SLC17A1: variants seen among roughly 807,000 people sequenced by gnomAD.
SLC17A1 encodes solute carrier family 17 member 1.
A neutral mutation model predicts 53.5 loss-of-function variants in SLC17A1; 51 were observed. The ratio of observed to expected loss-of-function variants is 0.95; its 90% CI spans 0.76 to 1.20. SLC17A1 has a LOEUF of 1.20. Among genes scored for constraint, SLC17A1 ranks in the 50% most tolerant of loss-of-function variants. The probability of loss-of-function intolerance (pLI) is 0.00; values close to 1 mark genes in which losing one functional copy is unlikely to be tolerated. For synonymous variants in SLC17A1, 179 were observed against 198.8 expected (o/e 0.90, Z 0.84); for missense variants, 538 against 568.2 (o/e 0.95, Z 0.54).
chr6:25,800,652 T>G (rs141210073), intron 11 of SLC17A1, among the ~76,000 whole-genome samples: 2 of 152,326 alleles, frequency 1.3e-5, no homozygotes, highest in East Asian at 3.9e-4. Flanking sequence ...AGTCCACTTC[T>G]GTACCAATGG....
At chr6:25,729,091 C>A in the SLC17A1 span, among the ~76,000 whole-genome samples, 1 of 152,292 alleles carries the variant, frequency 6.6e-6, no homozygotes, top group Admixed American at 6.5e-5. Context: ...GACTTTGTGA[C>A]CACTGTCAGA....
rs1421861579 is a variant in SLC17A1, at chr6:25,814,981, T to C, written c.617-1768A>G. On this transcript the variant is annotated intron_variant, in intron 6 of 12. Coordinates refer to ENST00000244527, the MANE Select transcript of SLC17A1 (RefSeq NM_005074.5). The stretch of plus-strand genomic sequence containing the variant: ...AGGCTGGCCGACAAAAGCAAGACTC[T>C]GTCACACAAACACACACACACACAC... Among the ~76,000 whole-genome samples, 3 of 100,594 alleles carry C rather than the reference T, an allele frequency of 3.0e-5. No individual in the cohort carries two copies. In the South Asian group the frequency reaches 8.5e-4, roughly 29 times the overall value. The allele number at this position is 100,594 out of a possible 152,430, so 66.0% of individuals were successfully genotyped here.
the SLC17A1 span, among the ~76,000 whole-genome samples, chr6:25,734,641 C>T: frequency 1.2e-4 from 19 of 152,218 alleles, no homozygotes; most frequent in East Asian, 3.7e-3. Flanking sequence ...AGTGATAAAC[C>T]AGGATCCATC....
chr6:25,736,659 A>G, the SLC17A1 span, among the ~76,000 whole-genome samples: 1 of 152,170 alleles, frequency 6.6e-6, no homozygotes, highest in Non-Finnish European at 1.5e-5. Flanking sequence ...AAGAACCCAT[A>G]TCAGACCAGT....
the SLC17A1 span, among the ~76,000 whole-genome samples, chr6:25,765,262 G>A: frequency 1.1e-4 from 17 of 152,222 alleles, no homozygotes; most frequent in Admixed American, 1.1e-3. Context: ...GTCACATAAT[G>A]AGTGCATGCC....
chr6:25,746,389 T>C, the SLC17A1 span, among the ~76,000 whole-genome samples: 1 of 152,144 alleles, frequency 6.6e-6, no homozygotes, highest in Non-Finnish European at 1.5e-5. Flanking sequence ...TCAATACTGA[T>C]AAAATATTAT....
chr6:25,753,223 G>A, the SLC17A1 span, among the ~76,000 whole-genome samples: 4 of 152,272 alleles, frequency 2.6e-5, no homozygotes, highest in Non-Finnish European at 4.4e-5. Flanking sequence ...AGGAGGAACT[G>A]CAAGTGTAAA....
chr6:25,792,744 GT>G (rs1763529006), intron 12 of SLC17A1, among the ~76,000 whole-genome samples: 1 of 152,092 alleles, frequency 6.6e-6, no homozygotes. Context: ...TCCTATCCTT[GT>G]TTCTTCTCTT....
At chr6:25,802,935 CTTTTTTTTTTTTTTT>C (rs34669145) in intron 10 of SLC17A1, among the ~76,000 whole-genome samples, 5 of 46,062 alleles carry the variant, frequency 1.1e-4, no homozygotes, top group Non-Finnish European at 1.9e-4. Flanking sequence ...CTATCTTCTT[CTTTTTTTTTTTTTTT>C]TTTTTTTTTT....
chr6:25,732,791 A>ATCCT, the SLC17A1 span: 1 of 805,058 alleles, frequency 1.2e-6, no homozygotes, highest in Non-Finnish European at 1.9e-6. Context: ...GTCCCAAAGG[A>ATCCT]TTGGGAGCCA....
the SLC17A1 span, chr6:25,726,913 C>CT: frequency 1.2e-6 from 2 of 1,611,118 alleles, no homozygotes; most frequent in African/African-American, 2.7e-5. Flanking sequence ...GTAGCTATGC[C>CT]GGAGGTGTCA....
the SLC17A1 span, chr6:25,773,710 T>C: frequency 6.3e-7 from 1 of 1,594,290 alleles, no homozygotes; most frequent in East Asian, 2.2e-5. Context: ...ATCTTCTGTT[T>C]AAATGCTTAA....
chr6:25,803,484 A>G (rs9467603), intron 10 of SLC17A1, among the ~76,000 whole-genome samples: 10,391 of 152,196 alleles, frequency 0.068, 393 homozygotes, highest in Non-Finnish European at 0.087. Context: ...TACAATGTGA[A>G]CAGTGTTCCC....
At chr6:25,737,072 C>T in the SLC17A1 span, among the ~76,000 whole-genome samples, 1 of 152,142 alleles carries the variant, frequency 6.6e-6, no homozygotes, top group Admixed American at 6.5e-5. Context: ...ATAAATTAAA[C>T]CACCTTTGTA....
At chr6:25,785,618 A>T (rs775977960) in intron 12 of SLC17A1, among the ~76,000 whole-genome samples, 6 of 152,150 alleles carry the variant, frequency 3.9e-5, no homozygotes, top group Admixed American at 2.0e-4. Context: ...TATCCAATAC[A>T]CTCTTATAAC....
the SLC17A1 span, chr6:25,769,937 GTATAT>G: frequency 2.6e-6 from 2 of 762,184 alleles, no homozygotes; most frequent in African/African-American, 3.5e-5. Context: ...CATGATACTG[GTATAT>G]TGGAGGAACT....
chr6:25,768,300 T>C, the SLC17A1 span: 1 of 883,782 alleles, frequency 1.1e-6, no homozygotes, highest in Non-Finnish European at 1.4e-6. Context: ...TCTTCATACC[T>C]TGTGATCATA....
chr6:25,770,319 G>C, the SLC17A1 span: 4 of 1,613,664 alleles, frequency 2.5e-6, no homozygotes, highest in Non-Finnish European at 3.4e-6. Context: ...ATGTTTTCCA[G>C]GTATAAGTGG....
intron 12 of SLC17A1, among the ~76,000 whole-genome samples, chr6:25,797,559 C>G (rs530058477): frequency 6.6e-6 from 1 of 151,532 alleles, no homozygotes; most frequent in Non-Finnish European, 1.5e-5. Context: ...ATTTAAAAAT[C>G]TGTTATGTCA....
Sources: gnomAD v4.1 joint callset for allele counts (sites outside exome capture counted in the v4.1 genomes callset) on GRCh38, gnomAD v4.1.1 for gene constraint, MANE v1.5 for transcripts, NCBI Gene and HGNC (gene_info 2026-07-23, HGNC 2026-07-21) for gene names.